MAGI2: variants seen among roughly 807,000 people sequenced by gnomAD.
MAGI2 encodes the protein membrane associated guanylate kinase, WW and PDZ domain containing 2.
MAGI2 carries 35 observed loss-of-function variants against 133.3 expected under a neutral mutation model. The observed-to-expected ratio is 0.26, with a 90% CI of 0.20 to 0.35. The LOEUF (loss-of-function observed/expected upper bound fraction) is 0.35. Among genes scored for constraint, MAGI2 ranks in the 10% least tolerant of loss-of-function variants. MAGI2 has a pLI of 1.00. For synonymous variants in MAGI2, 729 were observed against 710.6 expected (o/e 1.03, Z -0.41); for missense variants, 1,636 against 1,863.4 (o/e 0.88, Z 2.25).
At chr7:79,393,217 A>G (rs1411827096) in intron 1 of MAGI2, among the ~76,000 whole-genome samples, 1 of 152,210 alleles carries the variant, frequency 6.6e-6, no homozygotes, top group Non-Finnish European at 1.5e-5. Flanking sequence ...CTTAAATGGT[A>G]GTATCCTATA....
chr7:78,934,439 T>C (rs1053247961), intron 2 of MAGI2, among the ~76,000 whole-genome samples: 3 of 152,166 alleles, frequency 2.0e-5, no homozygotes, highest in Non-Finnish European at 2.9e-5. Context: ...AATGGTGTCA[T>C]ATTTTTTACT....
Position 78,019,457 on chromosome 7 carries a change from C to G in MAGI2, c.4226G>C (p.Arg1409Pro), listed in dbSNP as rs1287378322. 8 of 982,194 alleles carry G rather than the reference C, an allele frequency of 8.1e-6. No homozygotes were observed. Among genetic ancestry groups the G allele is most frequent in the Non-Finnish European group, 9.6e-6 (8 of 829,568 alleles). 60.8% of individuals were successfully genotyped at this position (982,194 alleles called of 1,614,324 possible). ...TCGCGGGCCCGGCCGGGGACCCGCG[C>G]GCGCACCCGCCCTGCCCTCGGCCTC... ...ALEAEGRAGA[R>P]AGPRPGPRPP... Residue 1409 changes from arginine (R) to proline (P), a missense_variant, in exon 22 of 22, where the codon CGC becomes CCC. Transcript: ENST00000354212.
chr7:78,986,775 G>A (rs1805301630), intron 2 of MAGI2, among the ~76,000 whole-genome samples: 1 of 151,950 alleles, frequency 6.6e-6, no homozygotes, highest in African/African-American at 2.4e-5. Flanking sequence ...TACCCTTTGT[G>A]TCTTCTACAG....
chr7:78,118,328 T>C lies in MAGI2; in HGVS notation c.3567+7366A>G, dbSNP rs141226010. The stretch of plus-strand genomic sequence containing the variant: ...TAGATATGACACAAAAGGCATAATC[T>C]ATGAAAGAAATAATTAGGAAGCTGG... On this transcript the variant is annotated intron_variant, in intron 20 of 21. Coordinates refer to ENST00000354212, the MANE Select transcript of MAGI2 (RefSeq NM_012301.4). Among the ~76,000 whole-genome samples the C allele has an allele frequency of 2.5e-3, 381 of 152,284 alleles. 2 individuals are homozygous for C. The highest frequency in any genetic ancestry group is 8.7e-3 in the African/African-American group (360 of 41,558).
At chr7:78,061,445 C>T (rs1452163892) in intron 21 of MAGI2, among the ~76,000 whole-genome samples, 2 of 136,686 alleles carry the variant, frequency 1.5e-5, no homozygotes, top group Non-Finnish European at 3.3e-5. Context: ...CACACACACA[C>T]ACACACACAC....
chr7:78,530,487 T>C (rs944262344), intron 3 of MAGI2, among the ~76,000 whole-genome samples: 4 of 152,326 alleles, frequency 2.6e-5, no homozygotes. Context: ...GAAGACACTG[T>C]TCTTGTGTTC....
intron 2 of MAGI2, among the ~76,000 whole-genome samples, chr7:79,000,822 T>C (rs1230858724): frequency 6.6e-6 from 1 of 152,242 alleles, no homozygotes; most frequent in African/African-American, 2.4e-5. Context: ...AGAAACACTA[T>C]TGTGAGTTAC....
chr7:79,351,715 A>G (rs2129110317), intron 1 of MAGI2: 1 of 152,366 alleles, frequency 6.6e-6, no homozygotes, highest in South Asian at 2.1e-4. Flanking sequence ...CGTCAATGTG[A>G]AAGATGAACA....
chr7:78,891,609 C>G (rs964069417), intron 2 of MAGI2, among the ~76,000 whole-genome samples: 3 of 152,174 alleles, frequency 2.0e-5, no homozygotes, highest in African/African-American at 4.8e-5. Context: ...ATCATGTAAA[C>G]AGAACCAATG....
chr7:79,101,574 A>G (rs948968572), intron 1 of MAGI2, among the ~76,000 whole-genome samples: 1 of 151,926 alleles, frequency 6.6e-6, no homozygotes, highest in African/African-American at 2.4e-5. Context: ...AATACAAAAA[A>G]TTAGGCAGGC....
chr7:79,023,042 A>T (rs932393647), intron 1 of MAGI2, among the ~76,000 whole-genome samples: 6 of 152,146 alleles, frequency 3.9e-5, no homozygotes, highest in African/African-American at 1.4e-4. Context: ...AAAAAATAAA[A>T]CTTCAGGCTA....
chr7:78,996,711 C>T (rs766341135), intron 2 of MAGI2, among the ~76,000 whole-genome samples: 2 of 152,266 alleles, frequency 1.3e-5, no homozygotes, highest in Admixed American at 6.5e-5. Context: ...TATGTTCTAC[C>T]TCTTCTAGGA....
chr7:79,119,364 A>C (rs1369003815), intron 1 of MAGI2, among the ~76,000 whole-genome samples: 1 of 152,130 alleles, frequency 6.6e-6, no homozygotes, highest in African/African-American at 2.4e-5. Context: ...GCAGAGCAGA[A>C]ATAACAAATA....
At chr7:78,070,535 TAC>T (rs879886130) in intron 21 of MAGI2, among the ~76,000 whole-genome samples, 16,638 of 133,458 alleles carry the variant, frequency 0.12, 1,130 homozygotes, top group African/African-American at 0.18. Context: ...TATATATGTG[TAC>T]ATATGTATAT....
chr7:79,169,279 AATGTGC>A (rs1230798623), intron 1 of MAGI2, among the ~76,000 whole-genome samples: 3 of 151,996 alleles, frequency 2.0e-5, no homozygotes, highest in Non-Finnish European at 2.9e-5. Context: ...GGAAATTTGG[AATGTGC>A]ATTTTAATAG....
intron 10 of MAGI2, among the ~76,000 whole-genome samples, chr7:78,250,958 TC>T (rs959854367): frequency 5.4e-4 from 82 of 151,786 alleles, no homozygotes; most frequent in African/African-American, 1.9e-3. Context: ...AGAAAAATCT[TC>T]CCCCAAACAG....
intron 1 of MAGI2, among the ~76,000 whole-genome samples, chr7:79,094,328 T>A (rs1817339266): frequency 6.6e-6 from 1 of 152,216 alleles, no homozygotes; most frequent in African/African-American, 2.4e-5. Context: ...CAGCAAGCAG[T>A]CACATCTTCA....
At chr7:78,637,819 A>T (rs571042726) in intron 2 of MAGI2, among the ~76,000 whole-genome samples, 3 of 152,304 alleles carry the variant, frequency 2.0e-5, no homozygotes, top group East Asian at 3.9e-4. Context: ...ACTTGAACTC[A>T]GCCAGGTGTG....
At chr7:78,919,161 T>A (rs1584390457) in intron 2 of MAGI2, among the ~76,000 whole-genome samples, 2 of 152,216 alleles carry the variant, frequency 1.3e-5, no homozygotes, top group East Asian at 3.9e-4. Flanking sequence ...ATTTTCACTG[T>A]GTCTTTGTAA....
Sources: gnomAD v4.1 joint callset for allele counts (sites outside exome capture counted in the v4.1 genomes callset) on GRCh38, gnomAD v4.1.1 for gene constraint, MANE v1.5 for transcripts, NCBI Gene and HGNC (gene_info 2026-07-23, HGNC 2026-07-21) for gene names.